Variants in ADAM18 observed in about 807,000 individuals in gnomAD.
The protein encoded by ADAM18 is disintegrin and metalloproteinase domain-containing protein 18.
Under a neutral mutation model 94.4 loss-of-function variants are expected in ADAM18, and 117 were observed. That is an observed-to-expected ratio of 1.24 (90% confidence interval 1.07 to 1.45). The LOEUF (loss-of-function observed/expected upper bound fraction) is 1.45. ADAM18 is among the 40% of genes most tolerant of loss of function. The pLI, the probability that ADAM18 is intolerant of heterozygous loss-of-function variation, is 0.00. For synonymous variants in ADAM18, 327 were observed against 291.6 expected (o/e 1.12, Z -1.24); for missense variants, 936 against 880.0 (o/e 1.06, Z -0.81).
intron 2 of ADAM18, among the ~76,000 whole-genome samples, chr8:39,595,889 A>G (rs1331015459): frequency 6.6e-6 from 1 of 152,054 alleles, no homozygotes; most frequent in African/African-American, 2.4e-5. Context: ...CATTTCTCCA[A>G]AATTTTTTAT....
At chr8:39,599,224 A>C (rs1375463446) in intron 2 of ADAM18, among the ~76,000 whole-genome samples, 2 of 152,210 alleles carry the variant, frequency 1.3e-5, no homozygotes, top group Non-Finnish European at 2.9e-5. Context: ...TTACCTTTGC[A>C]CATCTAGGGT....
intron 2 of ADAM18, among the ~76,000 whole-genome samples, chr8:39,586,913 A>T (rs1041108331): frequency 6.6e-6 from 1 of 152,186 alleles, no homozygotes; most frequent in Non-Finnish European, 1.5e-5. Context: ...GTCAAGAAGC[A>T]TATAGCAACT....
At position 39,668,209 on chromosome 8, in the gene ADAM18, CT is replaced by C; in HGVS notation, c.1525+16del. The C allele has an allele frequency of 6.2e-7, 1 of 1,612,306 alleles. No homozygotes were observed. Among genetic ancestry groups the C allele is most frequent in the South Asian group, 1.1e-5 (1 of 91,040 alleles). On this transcript the variant is annotated intron_variant, in intron 14 of 19. Coordinates refer to ENST00000265707, the MANE Select transcript of ADAM18 (RefSeq NM_014237.3). ...ATATTTGGAAAAGGTATTGCTCTTT[CT>C]TTCGTATTTATTTTACCTTACATTT...
At chr8:39,705,153 T>C (rs1398074942) in intron 17 of ADAM18, among the ~76,000 whole-genome samples, 3 of 152,164 alleles carry the variant, frequency 2.0e-5, no homozygotes, top group Non-Finnish European at 4.4e-5. Flanking sequence ...TGATGCTATA[T>C]TTAGTCTCTT....
At chr8:39,592,833 AT>A (rs1041225241) in intron 2 of ADAM18, among the ~76,000 whole-genome samples, 1 of 152,164 alleles carries the variant, frequency 6.6e-6, no homozygotes, top group Non-Finnish European at 1.5e-5. Context: ...TAAAATAACA[AT>A]TTAAAAAGTG....
Position 39,655,972 on chromosome 8 carries a change from G to A in ADAM18, c.1230+7445G>A, listed in dbSNP as rs182267864. 1.1e-3 allele frequency among the ~76,000 whole-genome samples: 162 copies of A among 152,016 alleles called. 1 individual carries two copies. Among genetic ancestry groups the A allele is most frequent in the African/African-American group, 3.8e-3 (158 of 41,506 alleles). ...TGCAAATCATTAGGAGAAAAATTAT[G>A]GGACTACTTAATCAATGCAAGGATA... On this transcript the variant is annotated intron_variant, in intron 12 of 19. Coordinates refer to ENST00000265707, the MANE Select transcript of ADAM18 (RefSeq NM_014237.3).
At chr8:39,587,359 T>A (rs1184773631) in intron 2 of ADAM18, among the ~76,000 whole-genome samples, 1 of 152,250 alleles carries the variant, frequency 6.6e-6, no homozygotes, top group African/African-American at 2.4e-5. Flanking sequence ...AACTTTGTAT[T>A]CATTGAGCAA....
At chr8:39,653,934 A>G (rs1421746194) in intron 12 of ADAM18, among the ~76,000 whole-genome samples, 1 of 152,018 alleles carries the variant, frequency 6.6e-6, no homozygotes, top group African/African-American at 2.4e-5. Flanking sequence ...TTTCTATTTA[A>G]TTGTATTTCT....
chr8:39,610,040 G>A (rs1008086161), intron 5 of ADAM18, among the ~76,000 whole-genome samples: 11 of 152,002 alleles, frequency 7.2e-5, no homozygotes, highest in Admixed American at 2.0e-4. Context: ...AAAAGGATCC[G>A]GAGCAGAGAA....
chr8:39,666,115 G>A (rs1038193997), intron 13 of ADAM18, among the ~76,000 whole-genome samples: 2 of 152,138 alleles, frequency 1.3e-5, no homozygotes, highest in Non-Finnish European at 2.9e-5. Flanking sequence ...TCTGCTAGCT[G>A]CAACCTCCAC....
At chr8:39,624,378 G>T (rs1434125050) in intron 6 of ADAM18, among the ~76,000 whole-genome samples, 1 of 152,176 alleles carries the variant, frequency 6.6e-6, no homozygotes, top group Non-Finnish European at 1.5e-5. Context: ...TGGCTATCCA[G>T]TATTCCCAGC....
chr8:39,701,862 C>A (rs1030020470), intron 17 of ADAM18, among the ~76,000 whole-genome samples: 1 of 152,126 alleles, frequency 6.6e-6, no homozygotes, highest in East Asian at 1.9e-4. Context: ...TGTATATGTA[C>A]CACATTTTGT....
chr8:39,688,969 T>C (rs1369818138), intron 16 of ADAM18, among the ~76,000 whole-genome samples: 1 of 152,198 alleles, frequency 6.6e-6, no homozygotes, highest in Non-Finnish European at 1.5e-5. Context: ...CTCGATGATG[T>C]TGAGCTTTTT....
chr8:39,714,368 A>G (rs908579914), intron 18 of ADAM18, among the ~76,000 whole-genome samples: 3 of 152,044 alleles, frequency 2.0e-5, no homozygotes, highest in African/African-American at 7.2e-5. Flanking sequence ...CAGCAAACCA[A>G]CATAGCACAT....
chr8:39,701,563 G>T (rs892861830), intron 17 of ADAM18, among the ~76,000 whole-genome samples: 13 of 152,062 alleles, frequency 8.5e-5, no homozygotes, highest in Non-Finnish European at 1.2e-4. Context: ...ATGGGAATTT[G>T]TGATACTGCT....
intron 12 of ADAM18, among the ~76,000 whole-genome samples, chr8:39,653,278 TTTTA>T (rs1448940062): frequency 6.6e-6 from 1 of 152,098 alleles, no homozygotes; most frequent in Admixed American, 6.6e-5. Flanking sequence ...TACATAACAT[TTTTA>T]TTTGTCGATT....
At chr8:39,636,726 A>G (rs1820083709) in intron 7 of ADAM18, among the ~76,000 whole-genome samples, 1 of 151,836 alleles carries the variant, frequency 6.6e-6, no homozygotes, top group Non-Finnish European at 1.5e-5. Context: ...AGGTCTCTAG[A>G]CTTACTTATT....
intron 1 of ADAM18, 29 bp from the exon 2 acceptor site, chr8:39,585,247 A>G: frequency 6.3e-7 from 1 of 1,586,472 alleles, no homozygotes; most frequent in Non-Finnish European, 8.6e-7. Context: ...CAAAACAAAG[A>G]CAAAAACAAA....
chr8:39,617,464 C>T (rs928731916), intron 6 of ADAM18, among the ~76,000 whole-genome samples: 7 of 152,216 alleles, frequency 4.6e-5, no homozygotes, highest in East Asian at 3.9e-4. Flanking sequence ...AACTATCATT[C>T]GACCCAGCAA....
Sources: allele counts gnomAD v4.1 joint callset (sites outside exome capture counted in the v4.1 genomes callset), GRCh38; gene constraint gnomAD v4.1.1; transcripts MANE v1.5; gene names NCBI Gene and HGNC (gene_info 2026-07-23, HGNC 2026-07-21).